NSUN6: variants seen among roughly 807,000 people sequenced by gnomAD.
NSUN6 encodes the protein NOP2/Sun RNA methyltransferase 6, also known as tRNA (cytosine(72)-C(5))-methyltransferase NSUN6.
A neutral mutation model predicts 58.0 loss-of-function variants in NSUN6; 64 were observed. That is an observed-to-expected ratio of 1.10 (90% CI 0.90 to 1.36). The LOEUF is 1.36. Ranked by LOEUF, NSUN6 falls within the 40% of genes most tolerant of loss-of-function variation. The probability of loss-of-function intolerance (pLI) is 0.00; values close to 1 mark genes in which losing one functional copy is unlikely to be tolerated. For synonymous variants in NSUN6, 231 were observed against 193.9 expected (o/e 1.19, Z -1.59); for missense variants, 701 against 550.1 (o/e 1.27, Z -2.74).
At chr10:18,629,395 C>A (rs937650865) in intron 3 of NSUN6, among the ~76,000 whole-genome samples, 9 of 151,798 alleles carry the variant, frequency 5.9e-5, no homozygotes, top group African/African-American at 2.2e-4. Context: ...ATCAAATTCA[C>A]ACATAACAAT....
intron 8 of NSUN6, among the ~76,000 whole-genome samples, chr10:18,585,644 G>A (rs1427808404): frequency 6.6e-6 from 1 of 152,206 alleles, no homozygotes; most frequent in Admixed American, 6.5e-5. Flanking sequence ...CAGAGGCTGG[G>A]GGAGGAGGGA....
intron 8 of NSUN6, among the ~76,000 whole-genome samples, chr10:18,580,993 C>A (rs535272723): frequency 6.6e-6 from 1 of 152,188 alleles, no homozygotes; most frequent in Non-Finnish European, 1.5e-5. Context: ...AGAGGGCCAA[C>A]TGGGCGACTT....
chr10:18,631,338 T>G (rs1171074753), intron 3 of NSUN6, among the ~76,000 whole-genome samples: 18 of 145,018 alleles, frequency 1.2e-4, no homozygotes, highest in African/African-American at 3.1e-4. Context: ...CTTTGAAAAC[T>G]GGCACAAGAC....
chr10:18,571,660 T>G (rs1285798483), intron 8 of NSUN6, among the ~76,000 whole-genome samples: 2 of 150,322 alleles, frequency 1.3e-5, no homozygotes, highest in African/African-American at 4.9e-5. Flanking sequence ...CATTTCATTC[T>G]CCATCCCATT....
At chr10:18,611,447 T>G (rs1294551651) in intron 5 of NSUN6, among the ~76,000 whole-genome samples, 2 of 152,154 alleles carry the variant, frequency 1.3e-5, no homozygotes, top group Admixed American at 6.5e-5. Flanking sequence ...TGTTGGTCTT[T>G]AGAGTAAAAT....
At chr10:18,607,924 A>C (rs764993252) in intron 6 of NSUN6, among the ~76,000 whole-genome samples, 3 of 152,230 alleles carry the variant, frequency 2.0e-5, no homozygotes, top group Non-Finnish European at 4.4e-5. Flanking sequence ...GGTTTGTAAG[A>C]AGTAAATGAA....
intron 6 of NSUN6, among the ~76,000 whole-genome samples, chr10:18,603,297 T>C (rs1002865163): frequency 3.3e-5 from 5 of 152,068 alleles, no homozygotes; most frequent in Admixed American, 1.3e-4. Flanking sequence ...AGTAGACAGA[T>C]GGTTTATTCA....
chr10:18,651,878 C>G, upstream of NSUN6: 13 of 985,370 alleles, frequency 1.3e-5, no homozygotes, highest in Non-Finnish European at 1.6e-5. Flanking sequence ...AGCCAAATGG[C>G]GTGGGTTGAG....
chr10:18,585,979 C>G lies in NSUN6; in HGVS notation c.892G>C (p.Val298Leu), dbSNP rs61739230. The G allele has an allele frequency of 6.2e-7, 1 of 1,608,258 alleles. No individual in the cohort carries two copies. The highest frequency in any genetic ancestry group is 1.3e-5 in the African/African-American group (1 of 74,704). ...GTGTCCTCCACCATATCAAGTTTAA[C>G]CGCCTTTGTTCCATCAAAACAAAAT... is the stretch of plus-strand genomic sequence containing the variant. ...RAFCFDGTKA[V>L]KLDMVEDTEG... The change falls in exon 8 of 11, where the codon GTT becomes CTT. Residue 298 changes from valine to leucine, a missense_variant. Transcript: ENST00000377304.
chr10:18,615,920 C>T (rs111618738), intron 4 of NSUN6, among the ~76,000 whole-genome samples: 180 of 151,760 alleles, frequency 1.2e-3, no homozygotes, highest in African/African-American at 1.6e-3. Context: ...AGTTCATTGA[C>T]GTACTCTATC....
At chr10:18,565,209 C>T (rs2055836375) in intron 8 of NSUN6, among the ~76,000 whole-genome samples, 1 of 151,040 alleles carries the variant, frequency 6.6e-6, no homozygotes, top group Admixed American at 6.6e-5. Flanking sequence ...CATTCCGTTC[C>T]ATAACATTCT....
intron 3 of NSUN6, among the ~76,000 whole-genome samples, chr10:18,622,714 G>GAAA (rs2058656074): frequency 6.6e-6 from 1 of 152,106 alleles, no homozygotes. Context: ...CGCCTTGGGG[G>GAAA]GAAAAAGATG....
intron 6 of NSUN6, among the ~76,000 whole-genome samples, chr10:18,602,788 G>A (rs937871760): frequency 2.0e-5 from 3 of 152,188 alleles, no homozygotes; most frequent in African/African-American, 7.2e-5. Flanking sequence ...TGAGTGGGTT[G>A]AAGGGTATAT....
intron 9 of NSUN6, 38 bp from the exon 10 acceptor site, chr10:18,548,275 A>G (rs1425601806): frequency 1.3e-6 from 2 of 1,556,538 alleles, no homozygotes; most frequent in Admixed American, 1.9e-5. Context: ...ACAGCACAAG[A>G]CCAGATAAAC....
chr10:18,633,974 C>T (rs1254252208), intron 3 of NSUN6, among the ~76,000 whole-genome samples: 3 of 152,190 alleles, frequency 2.0e-5, no homozygotes, highest in Non-Finnish European at 1.5e-5. Context: ...TGCAGTACTT[C>T]CCAGAAAACA....
intron 8 of NSUN6, among the ~76,000 whole-genome samples, chr10:18,569,883 T>C (rs1446923186): frequency 1.3e-5 from 2 of 151,056 alleles, no homozygotes; most frequent in Non-Finnish European, 1.5e-5. Flanking sequence ...CTCCATTCCA[T>C]TCCATTCTCC....
At chr10:18,571,540 T>C (rs7079325) in intron 8 of NSUN6, among the ~76,000 whole-genome samples, 52,453 of 150,952 alleles carry the variant, frequency 0.35, 9,678 homozygotes, top group East Asian at 0.74. Context: ...CCATTCTCCA[T>C]TGCATTCTAT....
intron 3 of NSUN6, among the ~76,000 whole-genome samples, chr10:18,618,947 A>G (rs1240206833): frequency 6.6e-6 from 1 of 151,942 alleles, no homozygotes; most frequent in Non-Finnish European, 1.5e-5. Flanking sequence ...TTCATTTTTA[A>G]TCATTTTAAG....
chr10:18,648,339 A>G (rs1025266472), intron 2 of NSUN6, 151 bp downstream of exon 2: 1 of 528,890 alleles, frequency 1.9e-6, no homozygotes, highest in Non-Finnish European at 3.4e-6. Context: ...ATTACCACCT[A>G]GGATAACTTT....
Sources: gnomAD v4.1 joint callset for allele counts (sites outside exome capture counted in the v4.1 genomes callset) on GRCh38, gnomAD v4.1.1 for gene constraint, MANE v1.5 for transcripts, NCBI Gene and HGNC (gene_info 2026-07-23, HGNC 2026-07-21) for gene names.